VWC2L: variants seen among roughly 807,000 people sequenced by gnomAD.
VWC2L encodes von Willebrand factor C domain containing 2 like, also known as von Willebrand factor C domain-containing protein 2-like.
Under a neutral mutation model 21.6 loss-of-function variants are expected in VWC2L, and 10 were observed. That is an observed-to-expected ratio of 0.46 (90% confidence interval 0.29 to 0.78). The LOEUF is 0.78. Among genes scored for constraint, VWC2L ranks in the 30% least tolerant of loss-of-function variants. The pLI, the probability that VWC2L is intolerant of heterozygous loss-of-function variation, is 0.10. For missense variants in VWC2L, 209 were observed against 277.1 expected, an observed-to-expected ratio of 0.75 and a Z score of 1.74; for synonymous variants, 96 against 94.3, an observed-to-expected ratio of 1.02 and a Z score of -0.10.
intron 3 of VWC2L, among the ~76,000 whole-genome samples, chr2:214,455,869 CTA>C (rs1460370825): frequency 6.6e-6 from 1 of 151,982 alleles, no homozygotes; most frequent in Non-Finnish European, 1.5e-5. Flanking sequence ...CTGAAAAAAA[CTA>C]TGTCATTTTT....
chr2:214,425,555 A>G (rs953590966), intron 2 of VWC2L, among the ~76,000 whole-genome samples: 4 of 152,110 alleles, frequency 2.6e-5, no homozygotes, highest in South Asian at 4.1e-4. Context: ...TTCTCTTTTG[A>G]TAAGTCAAAA....
chr2:214,421,976 G>T lies in VWC2L; in HGVS notation c.390+7393G>T, dbSNP rs953019271. Among the ~76,000 whole-genome samples, 3 of 132,142 alleles carry T rather than the reference G, an allele frequency of 2.3e-5. No individual in the cohort carries two copies. The East Asian group carries it at 7.4e-4, about 32-fold the overall frequency. The allele number at this position is 132,142 out of a possible 152,430, so 86.7% of individuals were successfully genotyped here. On this transcript the variant is annotated intron_variant, in intron 2 of 3. Transcript: ENST00000312504. Reference sequence around the variant, plus strand: ...GCGCGATCTCGACTCTGCAAGCTCCGCCTCCCGGGTTCACGCCATTCTCCT... The same window carrying T: ...GCGCGATCTCGACTCTGCAAGCTCCTCCTCCCGGGTTCACGCCATTCTCCT...
At chr2:214,435,231 A>G (rs1702661481) in intron 2 of VWC2L, among the ~76,000 whole-genome samples, 2 of 152,192 alleles carry the variant, frequency 1.3e-5, no homozygotes, top group South Asian at 4.1e-4. Context: ...GCAGAAAAGC[A>G]TCAGAAAAAT....
At chr2:214,429,044 C>G (rs1167166285) in intron 2 of VWC2L, among the ~76,000 whole-genome samples, 1 of 152,154 alleles carries the variant, frequency 6.6e-6, no homozygotes, top group Non-Finnish European at 1.5e-5. Context: ...TATTCATCTC[C>G]TATGATTCTT....
chr2:214,549,708 G>A (rs1375810807), intron 3 of VWC2L, among the ~76,000 whole-genome samples: 2 of 152,198 alleles, frequency 1.3e-5, no homozygotes, highest in African/African-American at 2.4e-5. Context: ...GGGAGGCAGA[G>A]GTTGCAGTGA....
intron 3 of VWC2L, among the ~76,000 whole-genome samples, chr2:214,551,698 T>A (rs762932810): frequency 2.6e-5 from 4 of 152,224 alleles, no homozygotes; most frequent in Non-Finnish European, 5.9e-5. Flanking sequence ...TGATTCCCAC[T>A]TGCCTAGCAA....
At chr2:214,483,438 G>T (rs2126197902) in intron 3 of VWC2L, among the ~76,000 whole-genome samples, 1 of 150,894 alleles carries the variant, frequency 6.6e-6, no homozygotes, top group East Asian at 1.9e-4. Flanking sequence ...GAATTTCAAA[G>T]ATTTTGAAAA....
intron 3 of VWC2L, among the ~76,000 whole-genome samples, chr2:214,469,841 A>T (rs1703278274): frequency 6.6e-6 from 1 of 152,200 alleles, no homozygotes; most frequent in African/African-American, 2.4e-5. Flanking sequence ...ACTAAGAAAA[A>T]ATCTTGGCTG....
chr2:214,424,624 A>G (rs928775760), intron 2 of VWC2L, among the ~76,000 whole-genome samples: 1 of 152,224 alleles, frequency 6.6e-6, no homozygotes, highest in Admixed American at 6.5e-5. Flanking sequence ...ACTGTATTTC[A>G]TCCAGAATTT....
At chr2:214,440,241 A>C (rs917768666) in intron 3 of VWC2L, among the ~76,000 whole-genome samples, 2 of 152,062 alleles carry the variant, frequency 1.3e-5, no homozygotes, top group Non-Finnish European at 2.9e-5. Context: ...TAATAGGAGG[A>C]AAAAGATGAG....
At chr2:214,513,859 G>A (rs1574608384) in intron 3 of VWC2L, among the ~76,000 whole-genome samples, 2 of 152,068 alleles carry the variant, frequency 1.3e-5, no homozygotes, top group African/African-American at 2.4e-5. Flanking sequence ...AAATTCTCAG[G>A]TGTATGAAGT....
intron 3 of VWC2L, among the ~76,000 whole-genome samples, chr2:214,487,942 C>T (rs1269929204): frequency 1.3e-5 from 2 of 152,204 alleles, no homozygotes; most frequent in East Asian, 3.9e-4. Context: ...GAAGGTTGAT[C>T]AGCTTGCAAC....
intron 2 of VWC2L, among the ~76,000 whole-genome samples, chr2:214,428,261 T>C (rs1484574398): frequency 6.6e-6 from 1 of 152,198 alleles, no homozygotes; most frequent in African/African-American, 2.4e-5. Flanking sequence ...CTTAATATTT[T>C]ATTATTAGCT....
chr2:214,508,132 G>C (rs1181862717), intron 3 of VWC2L, among the ~76,000 whole-genome samples: 2 of 151,612 alleles, frequency 1.3e-5, no homozygotes, highest in Admixed American at 6.6e-5. Flanking sequence ...GCCCACCACC[G>C]TGCCCGGCTA....
At chr2:214,553,775 T>C (rs1689832664) in intron 3 of VWC2L, among the ~76,000 whole-genome samples, 1 of 152,020 alleles carries the variant, frequency 6.6e-6, no homozygotes, top group Non-Finnish European at 1.5e-5. Flanking sequence ...CCTGAACTAG[T>C]TTTTCAGGTT....
intron 2 of VWC2L, among the ~76,000 whole-genome samples, chr2:214,419,051 CAT>C (rs1284999116): frequency 6.6e-6 from 1 of 152,214 alleles, no homozygotes; most frequent in Non-Finnish European, 1.5e-5. Context: ...AATTGATCCA[CAT>C]GTGTCACCTG....
At chr2:214,462,341 G>T (rs1438983868) in intron 3 of VWC2L, among the ~76,000 whole-genome samples, 1 of 152,204 alleles carries the variant, frequency 6.6e-6, no homozygotes, top group Admixed American at 6.5e-5. Flanking sequence ...ACTGGAAAGT[G>T]TCTCCAGGCT....
chr2:214,558,764 G>A (rs1001681504), intron 3 of VWC2L, among the ~76,000 whole-genome samples: 7 of 150,780 alleles, frequency 4.6e-5, no homozygotes, highest in African/African-American at 7.3e-5. Flanking sequence ...TGGTTATGTC[G>A]TGGTTGCAAT....
chr2:214,421,883 A>ATTTTTTTTTTTT lies in VWC2L; in HGVS notation c.390+7301_390+7302insTTTTTTTTTTTT, dbSNP rs1574555783. ...AGCATAATTTTTTTCTATTTCCTAC[A>ATTTTTTTTTTTT]TCTTTTTTTTTTTTTTTTTTTTTTT... On this transcript the variant is annotated intron_variant, in intron 2 of 3. Transcript: ENST00000312504. Among the ~76,000 whole-genome samples the ATTTTTTTTTTTT allele has an allele frequency of 5.7e-5, 5 of 88,354 alleles. No homozygotes were observed. The East Asian group carries it at 1.4e-3, about 24-fold the overall frequency. 58.0% of individuals were successfully genotyped at this position (88,354 alleles called of 152,430 possible).
Sources: allele counts gnomAD v4.1 joint callset (sites outside exome capture counted in the v4.1 genomes callset), GRCh38; gene constraint gnomAD v4.1.1; transcripts MANE v1.5; gene names NCBI Gene and HGNC (gene_info 2026-07-23, HGNC 2026-07-21).